TMEM182: variants seen among roughly 807,000 people sequenced by gnomAD.
The protein encoded by TMEM182 is transmembrane protein 182.
TMEM182 carries 20 observed loss-of-function variants against 26.8 expected under a neutral mutation model. That is an observed-to-expected ratio of 0.75 (90% CI 0.53 to 1.09). The LOEUF (loss-of-function observed/expected upper bound fraction) is 1.09. Among genes scored for constraint, TMEM182 ranks in the 50% least tolerant of loss-of-function variants. The pLI is 0.00. For synonymous variants in TMEM182, 109 were observed against 102.2 expected, an observed-to-expected ratio of 1.07 and a Z score of -0.40; for missense variants, 277 against 275.5, an observed-to-expected ratio of 1.01 and a Z score of -0.04.
At chr2:102,809,045 A>T (rs909329098) in intron 4 of TMEM182, among the ~76,000 whole-genome samples, 2 of 152,242 alleles carry the variant, frequency 1.3e-5, no homozygotes, top group Non-Finnish European at 2.9e-5. Flanking sequence ...ATTTTACTCT[A>T]TGTAAAGTAT....
intron 3 of TMEM182, among the ~76,000 whole-genome samples, chr2:102,789,763 T>C (rs1044316142): frequency 6.6e-6 from 1 of 152,208 alleles, no homozygotes; most frequent in African/African-American, 2.4e-5. Context: ...CTGACACCCA[T>C]GTGATAGAGG....
chr2:102,769,741 G>T (rs1367890041), intron 3 of TMEM182, among the ~76,000 whole-genome samples: 3 of 152,156 alleles, frequency 2.0e-5, no homozygotes, highest in African/African-American at 7.2e-5. Context: ...ATAGGAATAA[G>T]TTTTCTTTGG....
intron 1 of TMEM182, among the ~76,000 whole-genome samples, chr2:102,740,205 G>T (rs1679503902): frequency 6.6e-6 from 1 of 152,176 alleles, no homozygotes; most frequent in Non-Finnish European, 1.5e-5. Context: ...GTGGGAATAT[G>T]AACTGATATG....
chr2:102,817,534 A>G lies in TMEM182; in HGVS notation c.*2566A>G, dbSNP rs991188530. 3.0e-6 allele frequency: 3 copies of G among 985,378 alleles called. No homozygotes were observed. The highest frequency in any genetic ancestry group is 6.1e-5 in the Admixed American group (1 of 16,270). The allele number at this position is 985,378 out of a possible 1,614,324, so 61.0% of individuals were successfully genotyped here. ...CAGAGAAGTTTAATGATCGTGTACA[A>G]TTTGAGGGTTGATGGTAGGGCTTTC... On this transcript the variant is annotated 3_prime_UTR_variant, in exon 5 of 5. Coordinates refer to ENST00000412401, the MANE Select transcript of TMEM182 (RefSeq NM_144632.5).
chr2:102,841,378 A>G (rs1683347247), intron 3 of TMEM182, among the ~76,000 whole-genome samples: 1 of 152,148 alleles, frequency 6.6e-6, no homozygotes, highest in Non-Finnish European at 1.5e-5. Flanking sequence ...ACCCCTCAGC[A>G]TGGCCCTGTG....
At chr2:102,764,830 T>C (rs530424141) in intron 3 of TMEM182, among the ~76,000 whole-genome samples, 1 of 151,164 alleles carries the variant, frequency 6.6e-6, no homozygotes, top group East Asian at 1.9e-4. Flanking sequence ...CAGATAAATA[T>C]ATAATATGTA....
At chr2:102,819,586 T>C (rs982738617), downstream of TMEM182, among the ~76,000 whole-genome samples, 8 of 152,206 alleles carry the variant, frequency 5.3e-5, no homozygotes, top group Non-Finnish European at 1.0e-4. Flanking sequence ...TCTGTGTGTA[T>C]GCATATAGAA....
intron 1 of TMEM182, among the ~76,000 whole-genome samples, chr2:102,756,959 C>T (rs965639160): frequency 5.9e-5 from 9 of 152,022 alleles, no homozygotes; most frequent in African/African-American, 1.9e-4. Flanking sequence ...ATTACAGGCA[C>T]CTGCTACCAC....
At chr2:102,740,572 G>A (rs1268243075) in intron 1 of TMEM182, among the ~76,000 whole-genome samples, 7 of 152,086 alleles carry the variant, frequency 4.6e-5, no homozygotes, top group Non-Finnish European at 5.9e-5. Flanking sequence ...TAAGCAGTGC[G>A]AGAATGGACT....
chr2:102,824,928 T>G (rs1472531342), intron 3 of TMEM182, among the ~76,000 whole-genome samples: 1 of 152,250 alleles, frequency 6.6e-6, no homozygotes, highest in African/African-American at 2.4e-5. Flanking sequence ...CTGTGCAGCA[T>G]GAGGAACTGT....
chr2:102,777,564 T>G (rs1680972330), intron 3 of TMEM182, among the ~76,000 whole-genome samples: 1 of 152,080 alleles, frequency 6.6e-6, no homozygotes, highest in African/African-American at 2.4e-5. Context: ...GAAGGTGGAT[T>G]GTGTCAGTCT....
intron 3 of TMEM182, among the ~76,000 whole-genome samples, chr2:102,777,968 GAA>G (rs995633199): frequency 6.6e-6 from 1 of 151,902 alleles, no homozygotes; most frequent in Non-Finnish European, 1.5e-5. Flanking sequence ...TACTTGAAAA[GAA>G]TGCATATTCT....
At chr2:102,804,365 C>T (rs1358242131) in intron 4 of TMEM182, among the ~76,000 whole-genome samples, 2 of 152,024 alleles carry the variant, frequency 1.3e-5, no homozygotes, top group Admixed American at 1.3e-4. Flanking sequence ...TATGCCTTTG[C>T]GTCCTCATAG....
intron 3 of TMEM182, among the ~76,000 whole-genome samples, chr2:102,830,331 C>T (rs761070434): frequency 6.6e-6 from 1 of 152,178 alleles, no homozygotes; most frequent in Non-Finnish European, 1.5e-5. Context: ...TGGCATCAGG[C>T]ATTGATAGCT....
intron 3 of TMEM182, among the ~76,000 whole-genome samples, chr2:102,773,593 G>T (rs998368595): frequency 2.0e-5 from 3 of 151,816 alleles, no homozygotes; most frequent in Non-Finnish European, 4.4e-5. Flanking sequence ...CGTGGTCACA[G>T]AGGCAACTGG....
intron 3 of TMEM182, among the ~76,000 whole-genome samples, chr2:102,839,471 A>ATATATATATATATG (rs1553446276): frequency 7.4e-6 from 1 of 134,888 alleles, no homozygotes; most frequent in African/African-American, 2.8e-5. Flanking sequence ...ATATATATAT[A>ATATATATATATATG]ATATATACAC....
rs577773910 is a variant in TMEM182, at chr2:102,767,675, T to C, written c.331+3248T>C. ...CCAAAGCATAGTTCCTGGTAATTAC[T>C]AGATGCTTAAAAATATGTCTAGAAT... is the stretch of plus-strand genomic sequence containing the variant. On this transcript the variant is annotated intron_variant, in intron 3 of 4. Transcript: ENST00000412401. Among the ~76,000 whole-genome samples, 7 of 152,336 alleles carry C rather than the reference T, an allele frequency of 4.6e-5. No homozygotes were observed. In the East Asian group the frequency reaches 1.3e-3, roughly 29 times the overall value.
chr2:102,767,747 T>C (rs1380701778), intron 3 of TMEM182, among the ~76,000 whole-genome samples: 1 of 152,254 alleles, frequency 6.6e-6, no homozygotes, highest in Admixed American at 6.5e-5. Flanking sequence ...TAAACTAGTT[T>C]GATTTTATTT....
intron 4 of TMEM182, among the ~76,000 whole-genome samples, chr2:102,802,637 G>A (rs2104738029): frequency 6.6e-6 from 1 of 152,314 alleles, no homozygotes; most frequent in Admixed American, 6.5e-5. Flanking sequence ...CGCAGGAAGT[G>A]TTAGGATGGG....
Sources: allele counts gnomAD v4.1 joint callset (sites outside exome capture counted in the v4.1 genomes callset), GRCh38; gene constraint gnomAD v4.1.1; transcripts MANE v1.5; gene names NCBI Gene and HGNC (gene_info 2026-07-23, HGNC 2026-07-21).